XKR6: variants seen among roughly 807,000 people sequenced by gnomAD.
XKR6 encodes XK-related protein 6.
Under a neutral mutation model 56.7 loss-of-function variants are expected in XKR6, and 22 were observed. The observed-to-expected ratio is 0.39, with a 90% confidence interval of 0.28 to 0.55. XKR6 has a LOEUF of 0.55. XKR6 is among the 20% of genes least tolerant of loss of function. The probability of loss-of-function intolerance (pLI) is 0.66; values close to 1 mark genes in which losing one functional copy is unlikely to be tolerated. For synonymous variants in XKR6, 524 were observed against 387.8 expected, an observed-to-expected ratio of 1.35 and a Z score of -4.13; for missense variants, 852 against 889.0, an observed-to-expected ratio of 0.96 and a Z score of 0.53.
intron 2 of XKR6, among the ~76,000 whole-genome samples, chr8:10,918,972 CCT>C (rs2129114924): frequency 6.6e-6 from 1 of 152,308 alleles, no homozygotes; most frequent in Non-Finnish European, 1.5e-5. Flanking sequence ...TGCTTCCCTC[CCT>C]GTGTGAAAGA....
chr8:10,960,133 A>T (rs949269124), intron 1 of XKR6, among the ~76,000 whole-genome samples: 2 of 152,222 alleles, frequency 1.3e-5, no homozygotes, highest in Non-Finnish European at 2.9e-5. Context: ...AAACATAAAA[A>T]GGTCTTTTCC....
At chr8:11,186,664 G>C (rs940723239) in intron 1 of XKR6, among the ~76,000 whole-genome samples, 4 of 152,168 alleles carry the variant, frequency 2.6e-5, no homozygotes, top group African/African-American at 7.2e-5. Flanking sequence ...ACAGGCATGA[G>C]ACACCACGCC....
chr8:11,021,066 T>C (rs1368264109), intron 1 of XKR6, among the ~76,000 whole-genome samples: 1 of 152,138 alleles, frequency 6.6e-6, no homozygotes, highest in Non-Finnish European at 1.5e-5. Flanking sequence ...CAAATGCTTC[T>C]GGCTTTAAGA....
At chr8:11,052,620 C>A (rs1049072616) in intron 1 of XKR6, among the ~76,000 whole-genome samples, 1 of 152,066 alleles carries the variant, frequency 6.6e-6, no homozygotes, top group Admixed American at 6.6e-5. Context: ...TGTGGGGGAG[C>A]CCAGAGCCCA....
chr8:10,952,987 CCTTATGAGAATCTAATG>C (rs1319889941), intron 1 of XKR6, among the ~76,000 whole-genome samples: 2 of 152,110 alleles, frequency 1.3e-5, no homozygotes, highest in East Asian at 3.9e-4. Context: ...GCTGCGCGCT[CCTTATGAGAATCTAATG>C]CATGATGATC....
At chr8:10,964,184 C>G (rs1028731542) in intron 1 of XKR6, among the ~76,000 whole-genome samples, 7 of 152,198 alleles carry the variant, frequency 4.6e-5, no homozygotes, top group African/African-American at 1.7e-4. Context: ...GCTGCCTGAG[C>G]TTCTCCTGTA....
intron 1 of XKR6, among the ~76,000 whole-genome samples, chr8:11,143,879 T>C (rs1187529662): frequency 6.6e-6 from 1 of 152,208 alleles, no homozygotes; most frequent in African/African-American, 2.4e-5. Context: ...TTCTGGAGGC[T>C]GGAAGTGCAA....
At chr8:10,915,514 T>C (rs4997180) in intron 2 of XKR6, among the ~76,000 whole-genome samples, 1 of 147,490 alleles carries the variant, frequency 6.8e-6, no homozygotes, top group African/African-American at 2.5e-5. Flanking sequence ...TTTCTTTTTT[T>C]TTTTCTGCTG....
intron 1 of XKR6, among the ~76,000 whole-genome samples, chr8:10,949,182 A>C (rs1278636280): frequency 1.3e-5 from 2 of 152,178 alleles, no homozygotes; most frequent in African/African-American, 2.4e-5. Flanking sequence ...GCCTGGAGCA[A>C]ATCACCCCCC....
intron 1 of XKR6, chr8:11,126,178 C>T (rs996683944): frequency 2.6e-5 from 4 of 152,140 alleles, no homozygotes; most frequent in South Asian, 2.1e-4. Context: ...AAACTATTCT[C>T]CTGCCTCAGC....
Position 11,128,535 on chromosome 8 carries a change from T to G in XKR6, c.764+72041A>C, listed in dbSNP as rs533887986. On this transcript the variant is annotated intron_variant, in intron 1 of 2. Transcript: ENST00000416569. ...AGTTCTAGTAGTACATCTCATTAAG[T>G]GGGACTGCAGGAAAGCAGTTGTTTA... Among the ~76,000 whole-genome samples the G allele has an allele frequency of 1.4e-4, 22 of 152,308 alleles. No individual in the cohort carries two copies. In the South Asian group the frequency reaches 4.6e-3, roughly 32 times the overall value.
Position 11,201,126 on chromosome 8 carries a change from C to A in XKR6, c.214G>T (p.Ala72Ser). ...TSSCYWGCRS[A>S]CLRSLLGRKP... ...CTGCCCAGGAGGGAGCGCAGGCAGGCGGAGCGGCAGCCCCAGTAGCACGAG... is the reference window on the plus strand; with the variant it reads ...CTGCCCAGGAGGGAGCGCAGGCAGGAGGAGCGGCAGCCCCAGTAGCACGAG... The change falls in exon 1 of 3, where the codon GCC (alanine) becomes TCC (serine). Residue 72 changes from alanine (A) to serine (S), a missense_variant. Transcript: ENST00000416569. The A allele has an allele frequency of 6.6e-7, 1 of 1,511,660 alleles. No individual in the cohort carries two copies. Among genetic ancestry groups the A allele is most frequent in the South Asian group, 1.2e-5 (1 of 82,580 alleles). 93.6% of individuals were successfully genotyped at this position (1,511,660 alleles called of 1,614,324 possible). A position where few individuals can be genotyped will look rare whatever the true frequency, so the allele number is the denominator to read the frequency against.
intron 1 of XKR6, among the ~76,000 whole-genome samples, chr8:11,104,437 T>C (rs1248975736): frequency 6.6e-6 from 1 of 152,244 alleles, no homozygotes; most frequent in Non-Finnish European, 1.5e-5. Context: ...GGGCGAGATA[T>C]AAAAATGGGT....
At chr8:11,093,356 T>G (rs6601560) in intron 1 of XKR6, among the ~76,000 whole-genome samples, 1 of 151,960 alleles carries the variant, frequency 6.6e-6, no homozygotes, top group Non-Finnish European at 1.5e-5. Flanking sequence ...CGCCCAGATC[T>G]TCCCCAGCTT....
rs750839769 is a variant in XKR6, at chr8:10,898,112, A to C, written c.1766T>G (p.Met589Arg). The C allele has an allele frequency of 6.2e-7, 1 of 1,614,110 alleles. No homozygotes were observed. Among genetic ancestry groups the C allele is most frequent in the Non-Finnish European group, 8.5e-7 (1 of 1,180,026 alleles). ...CCAAGCTGGGTATCGCTTTCTTGGC[A>C]TGTCAATCTTAATGAGGGGCCCTTC... ...LPEGPLIKID[M>R]PRKRYPAWDA... is the part of the protein sequence containing the mutation. The change falls in exon 3 of 3, where the codon ATG becomes AGG. Residue 589 changes from methionine to arginine, a missense_variant. Met to Arg is a moderately conservative substitution (Grantham distance 91). Around this residue, in one of 4 missense-constraint regions of XKR6, gnomAD observed 197 missense variants for 190.9 expected, o/e 1.03. Transcript: ENST00000416569. This position sits in a 1 kb window ranked among gnomAD's most constrained non-coding sequence, Gnocchi z 6.6.
At chr8:11,099,258 A>G (rs7004366) in intron 1 of XKR6, among the ~76,000 whole-genome samples, 3,719 of 152,336 alleles carry the variant, frequency 0.024, 145 homozygotes, top group African/African-American at 0.083. Flanking sequence ...GAAGCTTGGC[A>G]AGGCTGTCCA....
At chr8:11,136,874 T>C (rs751602925) in intron 1 of XKR6, 1 of 152,228 alleles carries the variant, frequency 6.6e-6, no homozygotes, top group Non-Finnish European at 1.5e-5. Context: ...ACACACAGTG[T>C]GGTTACAGGT....
chr8:11,135,962 T>C (rs757716986), intron 1 of XKR6, among the ~76,000 whole-genome samples: 5 of 152,218 alleles, frequency 3.3e-5, no homozygotes, highest in African/African-American at 4.8e-5. Context: ...ATATATTGTT[T>C]ATATAACTCA....
intron 1 of XKR6, among the ~76,000 whole-genome samples, chr8:11,098,243 C>A (rs747501838): frequency 4.6e-5 from 7 of 151,712 alleles, no homozygotes; most frequent in Non-Finnish European, 1.0e-4. Context: ...ACACGCACAA[C>A]ACACACACAC....
Sources: allele counts gnomAD v4.1 joint callset (sites outside exome capture counted in the v4.1 genomes callset), GRCh38; gene constraint gnomAD v4.1.1; regional missense constraint gnomAD v4.1.1; non-coding constraint Gnocchi (gnomAD v3.1); transcripts MANE v1.5; gene names NCBI Gene and HGNC (gene_info 2026-07-23, HGNC 2026-07-21).